Variants in TPTE2 observed in about 807,000 individuals in gnomAD.
TPTE2 encodes transmembrane phosphoinositide 3-phosphatase and tensin homolog 2.
TPTE2 carries 53 observed loss-of-function variants against 78.6 expected under a neutral mutation model. The observed-to-expected ratio is 0.67, with a 90% CI of 0.54 to 0.85. TPTE2 has a LOEUF of 0.85. TPTE2 is among the 40% of genes least tolerant of loss of function. TPTE2 has a pLI of 0.00. For synonymous variants in TPTE2, 175 were observed against 206.2 expected (o/e 0.85, Z 1.30); for missense variants, 461 against 623.0 (o/e 0.74, Z 2.77).
the TPTE2 span, among the ~76,000 whole-genome samples, chr13:19,546,498 T>C: frequency 7.2e-6 from 1 of 139,726 alleles, no homozygotes; most frequent in South Asian, 2.5e-4. Context: ...TTTTTTTTTT[T>C]TTTTTTTTGA....
the TPTE2 span, among the ~76,000 whole-genome samples, chr13:19,541,958 G>C: frequency 6.6e-6 from 1 of 151,724 alleles, no homozygotes; most frequent in Non-Finnish European, 1.5e-5. Flanking sequence ...CTGAGTTTAG[G>C]GTTTGTTTTC....
intron 14 of TPTE2, among the ~76,000 whole-genome samples, 155 bp from the exon 18 acceptor site, chr13:19,436,461 G>A (rs1019328587): frequency 2.0e-5 from 3 of 152,114 alleles, no homozygotes; most frequent in Non-Finnish European, 2.9e-5. Flanking sequence ...AACCCAGACT[G>A]GAGTACAGTG....
chr13:19,547,318 C>T, the TPTE2 span, among the ~76,000 whole-genome samples: 6 of 151,984 alleles, frequency 3.9e-5, no homozygotes, highest in African/African-American at 1.4e-4. Flanking sequence ...CTTAGCCAGG[C>T]AATTGATATC....
chr13:19,437,367 G>T (rs1415664168), intron 14 of TPTE2, among the ~76,000 whole-genome samples: 2 of 152,148 alleles, frequency 1.3e-5, no homozygotes, highest in Non-Finnish European at 2.9e-5. Context: ...CAAGAAAATG[G>T]CAGAAAGAAA....
the TPTE2 span, among the ~76,000 whole-genome samples, chr13:19,549,353 A>T: frequency 1.3e-5 from 2 of 152,216 alleles, no homozygotes; most frequent in Non-Finnish European, 2.9e-5. Flanking sequence ...GGACATGAAC[A>T]GACGATTCTC....
the TPTE2 span, among the ~76,000 whole-genome samples, chr13:19,543,390 A>C: frequency 1.4e-5 from 1 of 71,356 alleles, no homozygotes. Flanking sequence ...AGAGAGTTTC[A>C]CTCTTGTCTT....
chr13:19,496,492 T>C (rs1881319927), intron 1 of TPTE2, among the ~76,000 whole-genome samples: 1 of 152,202 alleles, frequency 6.6e-6, no homozygotes, highest in South Asian at 2.1e-4. Context: ...CATGCTAGTC[T>C]TTCCTGTCCA....
chr13:19,445,648 G>A (rs1593358873), intron 13 of TPTE2, among the ~76,000 whole-genome samples: 1 of 152,192 alleles, frequency 6.6e-6, no homozygotes, highest in South Asian at 2.1e-4. Flanking sequence ...ATTTTTAAAA[G>A]CAGTATTATT....
At chr13:19,495,022 T>C (rs1477034921) in intron 1 of TPTE2, among the ~76,000 whole-genome samples, 2 of 151,938 alleles carry the variant, frequency 1.3e-5, no homozygotes, top group Non-Finnish European at 2.9e-5. Context: ...TAAGTAAGGG[T>C]ATCTACACCT....
Position 19,535,755 on chromosome 13 carries a change from C to T in TPTE2, c.-44+841G>A, listed in dbSNP as rs1871181519. 1.3e-5 allele frequency among the ~76,000 whole-genome samples: 2 copies of T among 152,104 alleles called. No homozygotes were observed. Among genetic ancestry groups the T allele is most frequent in the South Asian group, 2.1e-4 (1 of 4,816 alleles). On this transcript the variant is annotated intron_variant, in intron 1 of 17. Coordinates refer to the TPTE2 transcript ENST00000390680. This position sits in a 1 kb window ranked among gnomAD's most constrained non-coding sequence, Gnocchi z 5.1. ...CAAGTGATTCTCCTGCCTCAGCCTC[C>T]CAAGTAGCTGGGACTACATACAGGT... is the stretch of plus-strand genomic sequence containing the variant.
the TPTE2 span, among the ~76,000 whole-genome samples, chr13:19,545,944 G>A: frequency 2.0e-5 from 3 of 152,188 alleles, no homozygotes; most frequent in East Asian, 5.8e-4. Flanking sequence ...TTGGGAGGCT[G>A]AGGCAGGAGG....
chr13:19,517,126 G>C (rs2932165), intron 1 of TPTE2, among the ~76,000 whole-genome samples: 149,723 of 152,262 alleles, frequency 0.98, 73,663 homozygotes, highest in Middle Eastern at 1. Context: ...ACCTACAGAT[G>C]AGACTGCTTC....
intron 15 of TPTE2, among the ~76,000 whole-genome samples, chr13:19,432,821 T>C (rs892850735): frequency 3.5e-4 from 53 of 151,848 alleles, no homozygotes; most frequent in African/African-American, 1.3e-3. Flanking sequence ...GCCCTGTTTA[T>C]AGGCTGCTTA....
chr13:19,503,076 A>C (rs376565485), intron 1 of TPTE2, 148 bp downstream of exon 4: 1 of 1,099,162 alleles, frequency 9.1e-7, no homozygotes, highest in Admixed American at 2.0e-5. Flanking sequence ...CACTGTGTGC[A>C]TGGGTTAGTG....
intron 10 of TPTE2, among the ~76,000 whole-genome samples, chr13:19,462,827 G>C (rs997288013): frequency 4.0e-5 from 6 of 151,858 alleles, no homozygotes; most frequent in African/African-American, 1.5e-4. Context: ...TTACAGGTGT[G>C]AGCCACTGCA....
intron 1 of TPTE2, among the ~76,000 whole-genome samples, chr13:19,531,367 T>C (rs184519321): frequency 1.3e-3 from 193 of 152,254 alleles, no homozygotes; most frequent in Middle Eastern, 6.8e-3. Flanking sequence ...TTAATACTCA[T>C]AGGAAAAGAG....
At position 19,486,361 on chromosome 13, in the gene TPTE2, G is replaced by T. The variant is rs191954334; in HGVS notation, c.120-3814C>A. Among the ~76,000 whole-genome samples, 381 of 152,266 alleles carry T rather than the reference G, an allele frequency of 2.5e-3. 1 individual carries two copies. Among genetic ancestry groups the T allele is most frequent in the African/African-American group, 8.8e-3 (366 of 41,548 alleles). On this transcript the variant is annotated intron_variant, in intron 3 of 19. Coordinates refer to ENST00000400230, the Ensembl canonical transcript of TPTE2. This position sits in a 1 kb window ranked among gnomAD's most constrained non-coding sequence, Gnocchi z 4.3. ...TGGTGGTGCAGCCTTGCCAGGGGTG[G>T]GCTCACTGGGCTGTTTCTCAGGGTA...
chr13:19,488,794 G>C (rs1880809666), intron 3 of TPTE2, among the ~76,000 whole-genome samples: 1 of 152,172 alleles, frequency 6.6e-6, no homozygotes, highest in African/African-American at 2.4e-5. Flanking sequence ...ATGTTCAGTG[G>C]AGCAGCAGTC....
chr13:19,434,323 G>A (rs1876901384), intron 15 of TPTE2, among the ~76,000 whole-genome samples: 1 of 151,926 alleles, frequency 6.6e-6, no homozygotes, highest in African/African-American at 2.4e-5. Flanking sequence ...CATGAGCAAT[G>A]GCATGAGGGT....
Sources: gnomAD v4.1 joint callset for allele counts (sites outside exome capture counted in the v4.1 genomes callset) on GRCh38, gnomAD v4.1.1 for gene constraint, Gnocchi (gnomAD v3.1) non-coding constraint, MANE v1.5 for transcripts, NCBI Gene and HGNC (gene_info 2026-07-23, HGNC 2026-07-21) for gene names.